Variants in PTGER3 observed in about 807,000 individuals in gnomAD.
PTGER3 encodes prostaglandin E receptor 3.
A neutral mutation model predicts 34.7 loss-of-function variants in PTGER3; 22 were observed. The ratio of observed to expected loss-of-function variants is 0.63; its 90% CI spans 0.45 to 0.91. The LOEUF is 0.91. Ranked by LOEUF, PTGER3 falls within the 40% of genes least tolerant of loss-of-function variation. The pLI is 0.00. For synonymous variants in PTGER3, 241 were observed against 230.1 expected, an observed-to-expected ratio of 1.05 and a Z score of -0.43; for missense variants, 468 against 519.4, an observed-to-expected ratio of 0.90 and a Z score of 0.96.
At chr1:70,931,533 T>A (rs1648696621) in intron 4 of PTGER3, among the ~76,000 whole-genome samples, 1 of 152,236 alleles carries the variant, frequency 6.6e-6, no homozygotes, top group Non-Finnish European at 1.5e-5. Context: ...CAGGCATTTC[T>A]ATGTATCCTC....
intron 4 of PTGER3, among the ~76,000 whole-genome samples, chr1:70,876,038 T>A (rs1284804875): frequency 1.3e-5 from 2 of 152,202 alleles, no homozygotes; most frequent in Non-Finnish European, 2.9e-5. Flanking sequence ...ATGGCTGAAC[T>A]AATTTACATT....
chr1:70,867,296 C>T (rs1277795155), intron 4 of PTGER3, among the ~76,000 whole-genome samples: 1 of 152,154 alleles, frequency 6.6e-6, no homozygotes, highest in Non-Finnish European at 1.5e-5. Flanking sequence ...TAAGAATGTA[C>T]CTTTATTATG....
intron 4 of PTGER3, among the ~76,000 whole-genome samples, chr1:70,945,548 GT>G (rs201964465): frequency 2.0e-5 from 3 of 151,924 alleles, no homozygotes; most frequent in South Asian, 2.1e-4. Flanking sequence ...CACAGGTAAA[GT>G]TTTTTTTATG....
At chr1:71,032,233 C>T (rs1194513387) in intron 1 of PTGER3, among the ~76,000 whole-genome samples, 1 of 152,146 alleles carries the variant, frequency 6.6e-6, no homozygotes, top group African/African-American at 2.4e-5. Context: ...ATAAGGCCAC[C>T]TCTCATTATA....
chr1:70,875,158 A>C (rs1646247646), intron 4 of PTGER3, among the ~76,000 whole-genome samples: 1 of 152,204 alleles, frequency 6.6e-6, no homozygotes, highest in Non-Finnish European at 1.5e-5. Flanking sequence ...ACTGATGCTG[A>C]CTTTCTGCCT....
rs79688117 is a variant in PTGER3 at position 70,913,277 on chromosome 1, T to G, written c.*23+40486A>C. ...TGCTATTATAAATGGTATTGTCCTC[T>G]AAATCTAAATTTTTAGTAGTTCATT... On this transcript the variant is annotated intron_variant, in intron 4 of 4. Transcript: ENST00000370931. Among the ~76,000 whole-genome samples, 62 of 152,098 alleles carry G rather than the reference T, an allele frequency of 4.1e-4. 1 individual carries two copies. In the East Asian group the frequency reaches 9.3e-3, roughly 23 times the overall value.
intron 2 of PTGER3, among the ~76,000 whole-genome samples, chr1:70,982,856 T>C (rs1282113279): frequency 6.6e-6 from 1 of 152,106 alleles, no homozygotes; most frequent in Non-Finnish European, 1.5e-5. Flanking sequence ...AAATAGGTGA[T>C]AGAGTTGTTA....
intron 4 of PTGER3, among the ~76,000 whole-genome samples, chr1:70,900,194 CTTTAA>C (rs1295330146): frequency 6.6e-6 from 1 of 152,130 alleles, no homozygotes; most frequent in Non-Finnish European, 1.5e-5. Context: ...AATGATTTAA[CTTTAA>C]TTTATTATCT....
intron 4 of PTGER3, among the ~76,000 whole-genome samples, chr1:70,907,240 A>G (rs975183891): frequency 6.6e-5 from 10 of 152,230 alleles, no homozygotes; most frequent in African/African-American, 2.4e-4. Flanking sequence ...TAGCATTTTC[A>G]TCTTCATTCC....
chr1:70,979,645 T>C (rs1572836756), intron 2 of PTGER3, among the ~76,000 whole-genome samples: 3 of 152,240 alleles, frequency 2.0e-5, no homozygotes, highest in Admixed American at 2.0e-4. Flanking sequence ...TTTCTTATCT[T>C]TCCTCTCAGA....
chr1:70,943,859 AG>A, intron 4 of PTGER3, among the ~76,000 whole-genome samples: 1 of 151,640 alleles, frequency 6.6e-6, no homozygotes, highest in East Asian at 1.9e-4. Flanking sequence ...AGAGAGAGAG[AG>A]AGAGAGAGAG....
intron 2 of PTGER3, chr1:71,005,841 A>G (rs1192793127): frequency 1.0e-6 from 1 of 956,132 alleles, no homozygotes. Flanking sequence ...CGGGTGAGCC[A>G]TAGCCATAGT....
intron 2 of PTGER3, among the ~76,000 whole-genome samples, chr1:70,976,910 T>C (rs1304824570): frequency 2.0e-5 from 3 of 152,186 alleles, no homozygotes; most frequent in African/African-American, 7.2e-5. Flanking sequence ...ATCTTGTTCT[T>C]GTTTCAACTA....
At chr1:70,911,729 A>T (rs911218968) in intron 4 of PTGER3, among the ~76,000 whole-genome samples, 1 of 152,190 alleles carries the variant, frequency 6.6e-6, no homozygotes, top group African/African-American at 2.4e-5. Flanking sequence ...AGATTTCATG[A>T]GACTGAAAAA....
chr1:70,859,694 A>G (rs145207320), intron 4 of PTGER3, among the ~76,000 whole-genome samples: 2 of 152,352 alleles, frequency 1.3e-5, no homozygotes, highest in South Asian at 2.1e-4. Context: ...ACGACTGCCA[A>G]TTGCAGGAAC....
At chr1:71,036,935 A>T (rs11209741) in intron 1 of PTGER3, among the ~76,000 whole-genome samples, 69 of 152,210 alleles carry the variant, frequency 4.5e-4, no homozygotes, top group African/African-American at 1.5e-3. Flanking sequence ...ATTCTAGAGC[A>T]GCATGTGGCC....
intron 4 of PTGER3, among the ~76,000 whole-genome samples, chr1:70,882,677 G>T (rs1225852813): frequency 2.0e-5 from 3 of 152,148 alleles, no homozygotes; most frequent in East Asian, 1.9e-4. Context: ...ATGGGAGCGT[G>T]GGGGGCCAGA....
rs1369917016 is a variant in PTGER3 at position 71,047,194 on chromosome 1, C to G, written c.384G>C (p.Arg128=). Residue 128 remains arginine (R), a synonymous_variant, in exon 1 of 4, where the codon CGG becomes CGC. Coordinates refer to ENST00000306666, the MANE Select transcript of PTGER3 (RefSeq NM_198719.2). ...QRWEHIDPSG[R]LCTFFGLTMT... ...TGGTCAGCCCGAAAAAGGTGCAGAGCCGCCCCGACGGGTCGATGTGCTCCC... is the reference window on the plus strand; with the variant it reads ...TGGTCAGCCCGAAAAAGGTGCAGAGGCGCCCCGACGGGTCGATGTGCTCCC... The G allele has an allele frequency of 2.5e-6, 4 of 1,598,994 alleles. No individual in the cohort carries two copies. Among genetic ancestry groups the G allele is most frequent in the Admixed American group, 1.7e-5 (1 of 57,314 alleles).
intron 1 of PTGER3, among the ~76,000 whole-genome samples, chr1:71,043,100 T>C (rs1479798527): frequency 6.6e-6 from 1 of 152,234 alleles, no homozygotes; most frequent in Admixed American, 6.5e-5. Flanking sequence ...CTAAGGTTAT[T>C]CCCATTTCTG....
Sources: allele counts gnomAD v4.1 joint callset (sites outside exome capture counted in the v4.1 genomes callset), GRCh38; gene constraint gnomAD v4.1.1; transcripts MANE v1.5; gene names NCBI Gene and HGNC (gene_info 2026-07-23, HGNC 2026-07-21).